Variants in ALK observed in about 807,000 individuals in gnomAD.
ALK encodes ALK tyrosine kinase receptor.
ALK carries 74 observed loss-of-function variants against 163.1 expected under a neutral mutation model. That is an observed-to-expected ratio of 0.45 (90% CI 0.38 to 0.55). ALK has a LOEUF of 0.55. Ranked by LOEUF, ALK falls within the 20% of genes least tolerant of loss-of-function variation. The pLI is 0.00. For missense variants in ALK, 2,063 were observed against 2,105.3 expected (o/e 0.98, Z 0.39); for synonymous variants, 960 against 843.2 (o/e 1.14, Z -2.40).
chr2:29,419,114 G>C (rs1298301273), intron 4 of ALK, among the ~76,000 whole-genome samples: 1 of 151,358 alleles, frequency 6.6e-6, no homozygotes, highest in Non-Finnish European at 1.5e-5. Context: ...GGGTGCAGTA[G>C]TGCAAACTCA....
intron 15 of ALK, among the ~76,000 whole-genome samples, chr2:29,232,042 G>A (rs1403391238): frequency 6.6e-6 from 1 of 152,240 alleles, no homozygotes; most frequent in Non-Finnish European, 1.5e-5. Context: ...ATTGCAGGGA[G>A]GGCCAGCTGG....
intron 1 of ALK, among the ~76,000 whole-genome samples, chr2:29,909,669 C>T (rs1450449871): frequency 6.6e-6 from 1 of 152,196 alleles, no homozygotes; most frequent in African/African-American, 2.4e-5. Context: ...ACAATTTCTA[C>T]AGCTCATACA....
In ALK at chr2:29,905,127, G is replaced by T. The variant is rs73922365; in HGVS notation, c.667+14866C>A. Among the ~76,000 whole-genome samples the T allele has an allele frequency of 3.3e-3, 509 of 152,322 alleles. 1 individual carries two copies. The highest frequency in any genetic ancestry group is 0.012 in the African/African-American group (492 of 41,556). On this transcript the variant is annotated intron_variant, in intron 1 of 28. Transcript: ENST00000389048. ...ATATGAAAAATGCAAACACAATTTTGTGCTGCAAAGTAATTTCTTGATGTT... is the reference window on the plus strand; with the variant it reads ...ATATGAAAAATGCAAACACAATTTTTTGCTGCAAAGTAATTTCTTGATGTT...
At chr2:29,836,044 T>G (rs1270166177) in intron 1 of ALK, among the ~76,000 whole-genome samples, 2 of 152,078 alleles carry the variant, frequency 1.3e-5, no homozygotes, top group African/African-American at 2.4e-5. Context: ...TGCTGCAGCA[T>G]GACAAATGAG....
intron 3 of ALK, among the ~76,000 whole-genome samples, chr2:29,595,021 G>A (rs769784242): frequency 7.2e-5 from 11 of 151,936 alleles, no homozygotes; most frequent in Non-Finnish European, 1.3e-4. Context: ...GAAGTCATGC[G>A]TCTAAATATC....
At chr2:29,579,082 T>C (rs147270103) in intron 3 of ALK, among the ~76,000 whole-genome samples, 1 of 152,338 alleles carries the variant, frequency 6.6e-6, no homozygotes, top group African/African-American at 2.4e-5. Context: ...CCAGGCCCTT[T>C]CTTCAGCATC....
chr2:29,756,258 T>G (rs1297715630), intron 1 of ALK, among the ~76,000 whole-genome samples: 2 of 152,212 alleles, frequency 1.3e-5, no homozygotes, highest in African/African-American at 4.8e-5. Context: ...GGGAGGACCT[T>G]CCGGACCTTT....
intron 1 of ALK, among the ~76,000 whole-genome samples, chr2:29,827,722 G>C (rs376644793): frequency 7.2e-5 from 11 of 152,262 alleles, no homozygotes; most frequent in Middle Eastern, 3.4e-3. Flanking sequence ...AATCAATATC[G>C]TGAAAATGGC....
chr2:29,338,580 G>C (rs754654964), intron 5 of ALK, among the ~76,000 whole-genome samples: 1 of 152,170 alleles, frequency 6.6e-6, no homozygotes, highest in Non-Finnish European at 1.5e-5. Context: ...AGAAAGACAC[G>C]CATCTCCCTC....
intron 1 of ALK, among the ~76,000 whole-genome samples, chr2:29,729,627 T>C (rs113164730): frequency 0.065 from 9,877 of 152,160 alleles, 1,069 homozygotes; most frequent in African/African-American, 0.22. Context: ...TGGCCCACAT[T>C]GCAGCCTCCT....
chr2:29,584,672 C>G (rs1573476727), intron 3 of ALK, among the ~76,000 whole-genome samples: 1 of 152,334 alleles, frequency 6.6e-6, no homozygotes, highest in East Asian at 1.9e-4. Flanking sequence ...TATAGAATGG[C>G]TGGTTCGGTG....
intron 1 of ALK, among the ~76,000 whole-genome samples, chr2:29,903,101 C>T (rs139288342): frequency 2.6e-5 from 4 of 152,240 alleles, no homozygotes; most frequent in Non-Finnish European, 5.9e-5. Context: ...TTGTTTACCT[C>T]ATTAGACTTT....
intron 3 of ALK, among the ~76,000 whole-genome samples, chr2:29,669,829 G>A (rs1034425856): frequency 6.6e-6 from 1 of 151,374 alleles, no homozygotes; most frequent in Non-Finnish European, 1.5e-5. Context: ...GTTTTAAAGA[G>A]ATAACTTATC....
chr2:29,624,439 G>C (rs10199576), intron 3 of ALK, among the ~76,000 whole-genome samples: 95,044 of 152,060 alleles, frequency 0.63, 30,735 homozygotes, highest in Middle Eastern at 0.73. Flanking sequence ...GGACACAGCT[G>C]GGGAAGGCTC....
At chr2:29,747,045 A>G (rs1230299635) in intron 1 of ALK, among the ~76,000 whole-genome samples, 1 of 152,180 alleles carries the variant, frequency 6.6e-6, no homozygotes, top group African/African-American at 2.4e-5. Flanking sequence ...CTTGGCAATG[A>G]CATCTGACCT....
chr2:29,629,152 C>T (rs1347945312), intron 3 of ALK, among the ~76,000 whole-genome samples: 3 of 152,280 alleles, frequency 2.0e-5, no homozygotes, highest in Non-Finnish European at 2.9e-5. Flanking sequence ...GTTGGAGACT[C>T]GCTTTCCTCA....
intron 9 of ALK, among the ~76,000 whole-genome samples, chr2:29,296,190 G>C (rs1198003456): frequency 6.6e-6 from 1 of 152,214 alleles, no homozygotes; most frequent in African/African-American, 2.4e-5. Flanking sequence ...AAGAAGTCAA[G>C]GATGTTGCTC....
chr2:29,276,374 T>A (rs1665547387), intron 9 of ALK, among the ~76,000 whole-genome samples: 1 of 152,222 alleles, frequency 6.6e-6, no homozygotes, highest in Admixed American at 6.5e-5. Context: ...TACAGTGACA[T>A]AAACAGGAAA....
At chr2:29,557,477 A>T (rs1000419705) in intron 3 of ALK, among the ~76,000 whole-genome samples, 2 of 152,200 alleles carry the variant, frequency 1.3e-5, no homozygotes, top group African/African-American at 4.8e-5. Flanking sequence ...AGAGATATGA[A>T]GGTTGCCACA....
Sources: allele counts gnomAD v4.1 joint callset (sites outside exome capture counted in the v4.1 genomes callset), GRCh38; gene constraint gnomAD v4.1.1; transcripts MANE v1.5; gene names NCBI Gene and HGNC (gene_info 2026-07-23, HGNC 2026-07-21).